TRAF7: variants seen among roughly 807,000 people sequenced by gnomAD.
TRAF7 encodes the protein E3 ubiquitin-protein ligase TRAF7.
Under a neutral mutation model 89.3 loss-of-function variants are expected in TRAF7, and 45 were observed. The observed-to-expected ratio is 0.50, with a 90% CI of 0.40 to 0.65. The LOEUF (loss-of-function observed/expected upper bound fraction) is 0.65, where lower values mean the gene tolerates loss of function less well. Among genes scored for constraint, TRAF7 ranks in the 30% least tolerant of loss-of-function variants. The probability of loss-of-function intolerance (pLI) is 0.00; values close to 1 mark genes in which losing one functional copy is unlikely to be tolerated. For synonymous variants in TRAF7, 406 were observed against 369.2 expected (o/e 1.10, Z -1.14); for missense variants, 677 against 918.1 (o/e 0.74, Z 3.39).
At position 2,172,181 on chromosome 16, in the gene TRAF7, C is replaced by G; in HGVS notation, c.476-10C>G. 1 of 1,612,946 alleles carries G rather than the reference C, an allele frequency of 6.2e-7. No individual in the cohort carries two copies. The highest frequency in any genetic ancestry group is 8.5e-7 in the Non-Finnish European group (1 of 1,179,936). ...CAGGCCGTGAGGGTCAGCACGCCCT[C>G]CTCTCCCAGAGAAGTGTCCCGTGGA... On this transcript the variant is annotated splice_polypyrimidine_tract_variant and intron_variant, in intron 7 of 20. Transcript: ENST00000326181.
At chr16:2,171,176 G>A in intron 5 of TRAF7, 88 bp from the exon 6 acceptor site, 1 of 1,099,014 alleles carries the variant, frequency 9.1e-7, no homozygotes. Flanking sequence ...GGACAGCCAG[G>A]CCTGGAGCAA....
intron 2 of TRAF7, among the ~76,000 whole-genome samples, 191 bp from the exon 3 acceptor site, chr16:2,165,688 C>T (rs1252045212): frequency 3.5e-3 from 216 of 61,264 alleles, no homozygotes; most frequent in African/African-American, 6.4e-3. Context: ...AGCGTGTTAG[C>T]GCTGCGTGGC....
chr16:2,164,819 C>T (rs2093076451), intron 2 of TRAF7, among the ~76,000 whole-genome samples: 1 of 59,828 alleles, frequency 1.7e-5, no homozygotes, highest in Non-Finnish European at 3.3e-5. Context: ...CATGGTTAAG[C>T]GTGTGAGTGC....
intron 3 of TRAF7, among the ~76,000 whole-genome samples, chr16:2,166,788 T>C (rs999567525): frequency 6.6e-6 from 1 of 152,230 alleles, no homozygotes; most frequent in African/African-American, 2.4e-5. Flanking sequence ...TCCTATCCCC[T>C]AAAAACCAGA....
rs898500004 is a variant in TRAF7, at chr16:2,162,580, C to T, written c.-38-1303C>T. Among the ~76,000 whole-genome samples, 3 of 152,066 alleles carry T rather than the reference C, an allele frequency of 2.0e-5. No homozygotes were observed. The highest frequency in any genetic ancestry group is 4.4e-5 in the Non-Finnish European group (3 of 67,982). Reference sequence around the variant, plus strand: ...GGGACTGTCCTGCTCCTCTCAGGCCCCTGGGGCCTTGGTTTGCAGCCCGGC... The same window carrying T: ...GGGACTGTCCTGCTCCTCTCAGGCCTCTGGGGCCTTGGTTTGCAGCCCGGC... On this transcript the variant is annotated intron_variant, in intron 1 of 20. Transcript: ENST00000326181. This position sits in a 1 kb window ranked among gnomAD's most constrained non-coding sequence, Gnocchi z 5.0.
Position 2,158,777 on chromosome 16 carries a change from G to T in TRAF7, c.-39+2919G>T, listed in dbSNP as rs1052919457. 3.3e-5 allele frequency among the ~76,000 whole-genome samples: 5 copies of T among 151,256 alleles called. No individual in the cohort carries two copies. Among genetic ancestry groups the T allele is most frequent in the South Asian group, 4.2e-4 (2 of 4,730 alleles). On this transcript the variant is annotated intron_variant, in intron 1 of 20. Coordinates refer to ENST00000326181, the MANE Select transcript of TRAF7 (RefSeq NM_032271.3). The surrounding 1 kb of genome is among the most constrained non-coding windows in gnomAD (Gnocchi z 4.7). Reference sequence around the variant, plus strand: ...GGAAGCGTGGGCTCGGCGGGGGGGGGGGGGACACTGCCACCCTTGGCTCTT... The same window carrying T: ...GGAAGCGTGGGCTCGGCGGGGGGGGTGGGGACACTGCCACCCTTGGCTCTT...
At position 2,162,996 on chromosome 16, in the gene TRAF7, C is replaced by A. The variant is rs906373054; in HGVS notation, c.-38-887C>A. Among the ~76,000 whole-genome samples, 1 of 152,178 alleles carries A rather than the reference C, an allele frequency of 6.6e-6. No homozygotes were observed. The highest frequency in any genetic ancestry group is 1.5e-5 in the Non-Finnish European group (1 of 68,014). ...CGGGGGGAGAGTGGGCGTCATCCAG[C>A]ATGGACAGCCCCTTCCCCGGGCTCT... On this transcript the variant is annotated intron_variant, in intron 1 of 20. Transcript: ENST00000326181. This position sits in a 1 kb window ranked among gnomAD's most constrained non-coding sequence, Gnocchi z 5.0.
rs776960775 is a variant in TRAF7 at position 2,168,048 on chromosome 16, A to G, written c.140-29A>G. 1 of 1,604,640 alleles carries G rather than the reference A, an allele frequency of 6.2e-7. No individual in the cohort carries two copies. The highest frequency in any genetic ancestry group is 8.5e-7 in the Non-Finnish European group (1 of 1,176,958). ...CCCCACATCTGCTGAGGGAGCCCCC[A>G]CTGAGACGCCAGCCCTCTTGCCTTG... On this transcript the variant is annotated intron_variant, in intron 3 of 20. Coordinates refer to ENST00000326181, the MANE Select transcript of TRAF7 (RefSeq NM_032271.3). The surrounding 1 kb of genome is among the most constrained non-coding windows in gnomAD (Gnocchi z 4.1).
chr16:2,156,030 C>A (rs897505328), intron 1 of TRAF7, among the ~76,000 whole-genome samples, 172 bp downstream of exon 1: 3 of 151,686 alleles, frequency 2.0e-5, no homozygotes, highest in Admixed American at 6.6e-5. Flanking sequence ...GGGTCGGGGT[C>A]CGCGTCGCTG....
In TRAF7 at chr16:2,161,974, G is replaced by T. The variant is rs1158715962; in HGVS notation, c.-38-1909G>T. 6.6e-6 allele frequency among the ~76,000 whole-genome samples: 1 copy of T among 152,188 alleles called. No individual in the cohort carries two copies. Among genetic ancestry groups the T allele is most frequent in the Non-Finnish European group, 1.5e-5 (1 of 68,034 alleles). On this transcript the variant is annotated intron_variant, in intron 1 of 20. Coordinates refer to ENST00000326181, the MANE Select transcript of TRAF7 (RefSeq NM_032271.3). This position sits in a 1 kb window ranked among gnomAD's most constrained non-coding sequence, Gnocchi z 5.2. The stretch of plus-strand genomic sequence containing the variant: ...AGGAGCCCCTGCCTCTTCCACAAGA[G>T]AAGTCCCCCGAGAGCCTAGTCTGGG...
rs2093063076 is a variant in TRAF7, at chr16:2,162,826, G to A, written c.-38-1057G>A. On this transcript the variant is annotated intron_variant, in intron 1 of 20. Transcript: ENST00000326181. The surrounding 1 kb of genome is among the most constrained non-coding windows in gnomAD (Gnocchi z 5.0). ...CACAGGGAGCTCAGCTTCAAGCCGG[G>A]GCTCGGCTGCGCTATCCGCTGCCAG... Among the ~76,000 whole-genome samples the A allele has an allele frequency of 6.6e-6, 1 of 152,058 alleles. No homozygotes were observed. Among genetic ancestry groups the A allele is most frequent in the Non-Finnish European group, 1.5e-5 (1 of 67,984 alleles).
At chr16:2,172,985 G>A (rs567646878) in intron 9 of TRAF7, among the ~76,000 whole-genome samples, 197 bp from the exon 10 acceptor site, 1 of 152,118 alleles carries the variant, frequency 6.6e-6, no homozygotes, top group Non-Finnish European at 1.5e-5. Flanking sequence ...CTCTGCGGGG[G>A]TGACGTGATG....
intron 4 of TRAF7, among the ~76,000 whole-genome samples, chr16:2,170,273 G>C (rs1428841143): frequency 6.6e-6 from 1 of 152,220 alleles, no homozygotes; most frequent in Non-Finnish European, 1.5e-5. Context: ...TGGTGGAGGT[G>C]CCCCCTCACG....
chr16:2,169,048 T>C (rs1473936263), intron 4 of TRAF7, among the ~76,000 whole-genome samples: 1 of 152,126 alleles, frequency 6.6e-6, no homozygotes, highest in Non-Finnish European at 1.5e-5. Flanking sequence ...TGCAATGGTG[T>C]GATCTCAGCT....
In TRAF7 at chr16:2,176,097, G is replaced by T; in HGVS notation, c.1795G>T (p.Val599Leu). ...KEQVRTLTGH[V>L]GTVYALAVIS... The stretch of plus-strand genomic sequence containing the variant: ...GCAGGTGCGGACCCTCACGGGCCAC[G>T]TGGGCACCGTGTATGCCCTGGCGGT... The change falls in exon 19 of 21, where the codon GTG becomes TTG. Residue 599 changes from valine (V) to leucine (L), a missense_variant. This residue lies in a region of TRAF7 where 160 missense variants were observed against 263.7 expected (regional missense o/e 0.61). Transcript: ENST00000326181. The T allele has an allele frequency of 6.2e-7, 1 of 1,611,276 alleles. No homozygotes were observed.
Position 2,173,153 on chromosome 16 carries a change from C to A in TRAF7, c.795-29C>A, listed in dbSNP as rs1160481371. 3 of 1,586,808 alleles carry A rather than the reference C, an allele frequency of 1.9e-6. No homozygotes were observed. The Admixed American group carries it at 5.2e-5, about 28-fold the overall frequency. On this transcript the variant is annotated intron_variant, in intron 9 of 20. Coordinates refer to ENST00000326181, the MANE Select transcript of TRAF7 (RefSeq NM_032271.3). ...ATGGGGAGGCACCGGCAGGGACCCG[C>A]CAGGCAGGCAGCTGTCCTGTCCCCG...
In TRAF7 at chr16:2,162,429, A is replaced by C. The variant is rs2093061699; in HGVS notation, c.-38-1454A>C. 1.3e-5 allele frequency among the ~76,000 whole-genome samples: 2 copies of C among 152,106 alleles called. No individual in the cohort carries two copies. Among genetic ancestry groups the C allele is most frequent in the African/African-American group, 2.4e-5 (1 of 41,446 alleles). On this transcript the variant is annotated intron_variant, in intron 1 of 20. Coordinates refer to ENST00000326181, the MANE Select transcript of TRAF7 (RefSeq NM_032271.3). This position sits in a 1 kb window ranked among gnomAD's most constrained non-coding sequence, Gnocchi z 5.0. ...AGGCGCATGCAGGGCGGGCATGGCCAAAGGGACCCAGTCAGGAGGGACTGA... is the reference window on the plus strand; with the variant it reads ...AGGCGCATGCAGGGCGGGCATGGCCCAAGGGACCCAGTCAGGAGGGACTGA...
At chr16:2,170,775 C>G (rs2093105977) in intron 5 of TRAF7, 45 bp downstream of exon 5, 2 of 1,523,524 alleles carry the variant, frequency 1.3e-6, no homozygotes, top group Non-Finnish European at 1.8e-6. Flanking sequence ...AGGGCTGTCA[C>G]CGCAGCCGTG....
chr16:2,168,224 C>T lies in TRAF7; in HGVS notation c.231+56C>T. On this transcript the variant is annotated intron_variant, in intron 4 of 20. Coordinates refer to ENST00000326181, the MANE Select transcript of TRAF7 (RefSeq NM_032271.3). This position sits in a 1 kb window ranked among gnomAD's most constrained non-coding sequence, Gnocchi z 4.1. ...GCCTCAGCCTCCCCCCATCCTCCCT[C>T]CTGGGGGAACCAGGTCCCAGGAGGA... The T allele has an allele frequency of 6.9e-7, 1 of 1,452,428 alleles. No individual in the cohort carries two copies. Among genetic ancestry groups the T allele is most frequent in the South Asian group, 1.2e-5 (1 of 82,730 alleles). The allele number at this position is 1,452,428 out of a possible 1,614,324, so 90.0% of individuals were successfully genotyped here.
Sources: allele counts gnomAD v4.1 joint callset (sites outside exome capture counted in the v4.1 genomes callset), GRCh38; gene constraint gnomAD v4.1.1; regional missense constraint gnomAD v4.1.1; non-coding constraint Gnocchi (gnomAD v3.1); transcripts MANE v1.5; gene names NCBI Gene and HGNC (gene_info 2026-07-23, HGNC 2026-07-21).